Variants in PRKCA observed in about 807,000 individuals in gnomAD.
The protein encoded by PRKCA is protein kinase C alpha.
A neutral mutation model predicts 87.0 loss-of-function variants in PRKCA; 27 were observed. The ratio of observed to expected loss-of-function variants is 0.31; its 90% CI spans 0.23 to 0.43. The LOEUF (loss-of-function observed/expected upper bound fraction) is 0.43, where lower values mean the gene tolerates loss of function less well. PRKCA is among the 20% of genes least tolerant of loss of function. PRKCA has a pLI of 1.00. For synonymous variants in PRKCA, 329 were observed against 311.1 expected, an observed-to-expected ratio of 1.06 and a Z score of -0.61; for missense variants, 518 against 852.3, an observed-to-expected ratio of 0.61 and a Z score of 4.88.
intron 2 of PRKCA, among the ~76,000 whole-genome samples, chr17:66,352,097 T>C (rs1162690862): frequency 1.3e-5 from 2 of 152,112 alleles, no homozygotes; most frequent in African/African-American, 2.4e-5. Context: ...CCAAGTCCAA[T>C]GAACTCTGCT....
intron 5 of PRKCA, among the ~76,000 whole-genome samples, chr17:66,660,190 C>T (rs891070015): frequency 6.6e-5 from 10 of 152,060 alleles, no homozygotes; most frequent in African/African-American, 2.2e-4. Flanking sequence ...GAATGTAGAA[C>T]AAAGAACAGC....
chr17:66,613,642 C>G (rs140250445), intron 3 of PRKCA, among the ~76,000 whole-genome samples: 11 of 152,236 alleles, frequency 7.2e-5, no homozygotes, highest in Non-Finnish European at 1.5e-4. Flanking sequence ...CAGCTTGCAG[C>G]TACATCACTC....
rs551226200 is a variant in PRKCA, at chr17:66,377,414, G to A, written c.205+71287G>A. Among the ~76,000 whole-genome samples, 310 of 151,622 alleles carry A rather than the reference G, an allele frequency of 2.0e-3. 1 individual carries two copies. Among genetic ancestry groups the A allele is most frequent in the Non-Finnish European group, 3.3e-3 (227 of 67,976 alleles). ...AGAAACAGGAATTTACTTGTCCCAG[G>A]TCTATCTGGGGCTGAGCTAATGCAG... On this transcript the variant is annotated intron_variant, in intron 2 of 16. Coordinates refer to ENST00000413366, the MANE Select transcript of PRKCA (RefSeq NM_002737.3).
chr17:66,369,209 A>G (rs1482830579), intron 2 of PRKCA, among the ~76,000 whole-genome samples: 2 of 152,216 alleles, frequency 1.3e-5, no homozygotes, highest in African/African-American at 4.8e-5. Flanking sequence ...TTCATCACAG[A>G]TGATGCTATT....
chr17:66,486,090 T>A lies in PRKCA; in HGVS notation c.206-10111T>A, dbSNP rs1474907640. Among the ~76,000 whole-genome samples the A allele has an allele frequency of 5.9e-5, 9 of 152,214 alleles. No homozygotes were observed. The South Asian group carries it at 1.7e-3, about 28-fold the overall frequency. On this transcript the variant is annotated intron_variant, in intron 2 of 16. Transcript: ENST00000413366. Reference sequence around the variant, plus strand: ...AGGAAAGTTGGACTCATCAGTTGATTCTGAAATCAACCCCCAAACACTGCT... The same window carrying A: ...AGGAAAGTTGGACTCATCAGTTGATACTGAAATCAACCCCCAAACACTGCT...
intron 5 of PRKCA, among the ~76,000 whole-genome samples, chr17:66,646,917 T>A (rs191261587): frequency 2.0e-5 from 3 of 152,318 alleles, no homozygotes; most frequent in Non-Finnish European, 4.4e-5. Context: ...CCCTTCTGAC[T>A]TTTTGTAGTT....
chr17:66,756,899 G>A (rs1264164353), intron 13 of PRKCA, among the ~76,000 whole-genome samples: 1 of 152,210 alleles, frequency 6.6e-6, no homozygotes, highest in Non-Finnish European at 1.5e-5. Context: ...CTGACCTCAA[G>A]TGTTCCGCCT....
chr17:66,523,783 G>A (rs141748708), intron 3 of PRKCA, among the ~76,000 whole-genome samples: 11 of 152,148 alleles, frequency 7.2e-5, no homozygotes, highest in African/African-American at 2.7e-4. Flanking sequence ...GCAGGTCCAG[G>A]GTGGTGCCTG....
At chr17:66,615,476 T>A (rs936425200) in intron 3 of PRKCA, among the ~76,000 whole-genome samples, 1 of 152,172 alleles carries the variant, frequency 6.6e-6, no homozygotes, top group African/African-American at 2.4e-5. Flanking sequence ...GTTCTAAACA[T>A]CCTGCTTTAG....
intron 8 of PRKCA, among the ~76,000 whole-genome samples, chr17:66,729,792 T>C (rs1232451919): frequency 6.8e-6 from 1 of 146,654 alleles, no homozygotes; most frequent in Non-Finnish European, 1.5e-5. Flanking sequence ...TTTTTTTTTT[T>C]TTTTTTTTTC....
At chr17:66,752,853 T>C (rs916829038) in intron 13 of PRKCA, among the ~76,000 whole-genome samples, 2 of 152,176 alleles carry the variant, frequency 1.3e-5, no homozygotes, top group African/African-American at 4.8e-5. Flanking sequence ...CACAGGCTGC[T>C]GAAGTCTATA....
In PRKCA at chr17:66,794,624, GT is replaced by G. The variant is rs71367182; in HGVS notation, c.1854+5659del. On this transcript the variant is annotated intron_variant, in intron 16 of 16. Transcript: ENST00000413366. ...TTTTGTTTTTTGGGGGGGGTTTTTT[GT>G]TTTTTTTTTTTTTGAGACGGAGTTT... is the stretch of plus-strand genomic sequence containing the variant. Among the ~76,000 whole-genome samples the G allele has an allele frequency of 1.8e-3, 241 of 136,880 alleles. 3 individuals are homozygous for G. Among genetic ancestry groups the G allele is most frequent in the South Asian group, 6.6e-3 (27 of 4,120 alleles). 89.8% of individuals were successfully genotyped at this position (136,880 alleles called of 152,430 possible).
intron 2 of PRKCA, among the ~76,000 whole-genome samples, chr17:66,365,731 C>G (rs961391921): frequency 6.6e-6 from 1 of 152,082 alleles, no homozygotes; most frequent in African/African-American, 2.4e-5. Context: ...AGAAAACAGA[C>G]GTATGAATGT....
chr17:66,615,056 T>C (rs899747400), intron 3 of PRKCA, among the ~76,000 whole-genome samples: 1 of 152,166 alleles, frequency 6.6e-6, no homozygotes, highest in Non-Finnish European at 1.5e-5. Flanking sequence ...AGGGCTTCCA[T>C]GCACAGTCCC....
At chr17:66,715,685 G>T (rs2144141409) in intron 8 of PRKCA, among the ~76,000 whole-genome samples, 1 of 152,282 alleles carries the variant, frequency 6.6e-6, no homozygotes, top group South Asian at 2.1e-4. Context: ...ATTTTGCAAA[G>T]TCCTGGCACT....
chr17:66,380,943 CT>C (rs60151675), intron 2 of PRKCA, among the ~76,000 whole-genome samples: 220 of 142,604 alleles, frequency 1.5e-3, no homozygotes, highest in Non-Finnish European at 1.7e-3. Flanking sequence ...TTTTATTTTT[CT>C]TTTTTTTTTT....
At chr17:66,573,275 CA>C (rs1350441003) in intron 3 of PRKCA, among the ~76,000 whole-genome samples, 1 of 152,136 alleles carries the variant, frequency 6.6e-6, no homozygotes, top group African/African-American at 2.4e-5. Flanking sequence ...CTTTTCATTG[CA>C]AGAGTGAAAA....
At chr17:66,587,015 CTG>C (rs1188099545) in intron 3 of PRKCA, among the ~76,000 whole-genome samples, 1 of 152,132 alleles carries the variant, frequency 6.6e-6, no homozygotes, top group Non-Finnish European at 1.5e-5. Context: ...TGAATGGTCT[CTG>C]TGAGTCCAGG....
chr17:66,781,893 T>TATATATA (rs1568030811), intron 14 of PRKCA, among the ~76,000 whole-genome samples: 8 of 140,350 alleles, frequency 5.7e-5, no homozygotes, highest in African/African-American at 2.2e-4. Context: ...ATATAGTGTG[T>TATATATA]GTGTGTGTGT....
Sources: allele counts gnomAD v4.1 joint callset (sites outside exome capture counted in the v4.1 genomes callset), GRCh38; gene constraint gnomAD v4.1.1; transcripts MANE v1.5; gene names NCBI Gene and HGNC (gene_info 2026-07-23, HGNC 2026-07-21).